COL23A1: variants seen among roughly 807,000 people sequenced by gnomAD.
COL23A1 encodes collagen type XXIII alpha 1 chain.
COL23A1 carries 97 observed loss-of-function variants against 99.3 expected under a neutral mutation model. The ratio of observed to expected loss-of-function variants is 0.98; its 90% confidence interval spans 0.83 to 1.16. The LOEUF is 1.16. Among genes scored for constraint, COL23A1 ranks in the 50% most tolerant of loss-of-function variants. The probability of loss-of-function intolerance (pLI) is 0.00; values close to 1 mark genes in which losing one functional copy is unlikely to be tolerated. For missense variants in COL23A1, 762 were observed against 757.4 expected, an observed-to-expected ratio of 1.01 and a Z score of -0.07; for synonymous variants, 320 against 308.2, an observed-to-expected ratio of 1.04 and a Z score of -0.40.
At chr5:178,477,538 T>A in intron 2 of COL23A1, among the ~76,000 whole-genome samples, 1 of 152,208 alleles carries the variant, frequency 6.6e-6, no homozygotes, top group South Asian at 2.1e-4. Flanking sequence ...TGTCTCCTTA[T>A]TAGGCGCCAG....
At position 178,255,117 on chromosome 5, in the gene COL23A1, A is replaced by C; in HGVS notation, c.883-91T>G. Reference sequence around the variant, plus strand: ...CTGTCCCTGCATCACATCCAGAGAGAAAGCAATGGAAGAGCCTCGTCACCC... The same window carrying C: ...CTGTCCCTGCATCACATCCAGAGAGCAAGCAATGGAAGAGCCTCGTCACCC... On this transcript the variant is annotated intron_variant, in intron 15 of 28. Transcript: ENST00000390654. The surrounding 1 kb of genome is among the most constrained non-coding windows in gnomAD (Gnocchi z 4.2). 9.2e-7 allele frequency: 1 copy of C among 1,083,042 alleles called. No individual in the cohort carries two copies. Among genetic ancestry groups the C allele is most frequent in the South Asian group, 1.3e-5 (1 of 78,052 alleles). 67.1% of individuals were successfully genotyped at this position (1,083,042 alleles called of 1,614,324 possible).
rs200782719 is a variant in COL23A1, at chr5:178,246,400, G to C, written c.1350C>G (p.Ser450Arg). Residue 450 changes from serine (S) to arginine (R), a missense_variant, in exon 23 of 29, where the codon AGC becomes AGG. Physicochemically the swap from Ser to Arg is moderately radical, Grantham distance 110 (BLOSUM62 -1). Transcript: ENST00000390654. ...CGCTTGTGAGACTCACAGGCAGGCCGCTGGGGCCTCTCTCACCCGACGCAC... is the reference window on the plus strand; with the variant it reads ...CGCTTGTGAGACTCACAGGCAGGCCCCTGGGGCCTCTCTCACCCGACGCAC... ...EKGASGERGP[S>R]GLPGPVGPPG... 2.5e-6 allele frequency: 4 copies of C among 1,579,400 alleles called. No homozygotes were observed. In the East Asian group the frequency reaches 9.2e-5, roughly 36 times the overall value.
Position 178,590,114 on chromosome 5 carries a change from C to T in COL23A1, c.84G>A (p.Ala28=). Residue 28 remains alanine, a synonymous_variant, in exon 1 of 29, where the codon GCG becomes GCA. Coordinates refer to ENST00000390654, the MANE Select transcript of COL23A1 (RefSeq NM_173465.4). The surrounding 1 kb of genome is among the most constrained non-coding windows in gnomAD (Gnocchi z 5.7). ...TCACCGCCCGGGACCCGGCCGTCGT[C>T]GCCGAGCGCCCTCCGCCGCCGCCGC... ...AAGGGGGGRS[A]TTAGSRAVSA... 1.6e-6 allele frequency: 2 copies of T among 1,249,138 alleles called. No homozygotes were observed. The highest frequency in any genetic ancestry group is 2.0e-6 in the Non-Finnish European group (2 of 998,820). 77.4% of individuals were successfully genotyped at this position (1,249,138 alleles called of 1,614,324 possible). A position where few individuals can be genotyped will look rare whatever the true frequency, so the allele number is the denominator to read the frequency against.
intron 2 of COL23A1, among the ~76,000 whole-genome samples, chr5:178,537,955 C>T (rs1040313227): frequency 6.6e-6 from 1 of 152,232 alleles, no homozygotes; most frequent in Non-Finnish European, 1.5e-5. Flanking sequence ...ACCCCAGGTA[C>T]CTCCTATGAG....
intron 2 of COL23A1, among the ~76,000 whole-genome samples, chr5:178,538,261 G>C (rs1467937827): frequency 1.3e-5 from 2 of 152,208 alleles, no homozygotes; most frequent in Non-Finnish European, 2.9e-5. Context: ...CACACTGGAA[G>C]AAACTTAACG....
intron 2 of COL23A1, among the ~76,000 whole-genome samples, chr5:178,406,428 C>CTTTTTTTTTTTTTTTTTTTTT (rs61274419): frequency 7.0e-6 from 1 of 142,038 alleles, no homozygotes; most frequent in Non-Finnish European, 1.5e-5. Context: ...TACCTACACT[C>CTTTTTTTTTTTTTTTTTTTTT]TTTTTTTTTT....
At chr5:178,438,905 A>G (rs900590444) in intron 2 of COL23A1, 1 of 152,142 alleles carries the variant, frequency 6.6e-6, no homozygotes, top group Non-Finnish European at 1.5e-5. Flanking sequence ...CTCCTAGTGC[A>G]CAGGCTTCCC....
rs767556741 is a variant in COL23A1, at chr5:178,242,152, T to C, written c.1495-24A>G. 15 of 1,541,866 alleles carry C rather than the reference T, an allele frequency of 9.7e-6. No homozygotes were observed. The South Asian group carries it at 1.8e-4, about 18-fold the overall frequency. On this transcript the variant is annotated intron_variant, in intron 26 of 28. Transcript: ENST00000390654. ...CCCTGTGCAGGAGGGGAGATGGTGG[T>C]ATTGGTCATGGCTGCCAGGCTTAGG...
At position 178,415,442 on chromosome 5, in the gene COL23A1, G is replaced by A. The variant is rs1031044692; in HGVS notation, c.362-108523C>T. Among the ~76,000 whole-genome samples the A allele has an allele frequency of 5.8e-4, 88 of 151,956 alleles. No individual in the cohort carries two copies. Among genetic ancestry groups the A allele is most frequent in the Admixed American group, 1.6e-3 (25 of 15,258 alleles). On this transcript the variant is annotated intron_variant, in intron 2 of 28. Coordinates refer to ENST00000390654, the MANE Select transcript of COL23A1 (RefSeq NM_173465.4). The surrounding 1 kb of genome is among the most constrained non-coding windows in gnomAD (Gnocchi z 4.6). The stretch of plus-strand genomic sequence containing the variant: ...CTGTGGCCTCTTTCTCCCCGGGCCC[G>A]GGCCCTGGAGCACGGCTCACCCTGC...
chr5:178,388,085 G>C (rs1013605663), intron 2 of COL23A1, among the ~76,000 whole-genome samples: 1 of 152,180 alleles, frequency 6.6e-6, no homozygotes, highest in African/African-American at 2.4e-5. Context: ...TCACCTGCCA[G>C]AGCCCTTCCG....
chr5:178,288,271 T>C, intron 5 of COL23A1, 53 bp downstream of exon 5: 4 of 1,404,236 alleles, frequency 2.8e-6, no homozygotes, highest in Non-Finnish European at 4.1e-6. Context: ...AGGGAAAGAA[T>C]ATTGGTTTAA....
At chr5:178,556,117 G>C (rs1039485026) in intron 2 of COL23A1, among the ~76,000 whole-genome samples, 2 of 152,146 alleles carry the variant, frequency 1.3e-5, no homozygotes, top group Non-Finnish European at 2.9e-5. Flanking sequence ...GGCGGGGACT[G>C]GCCAAGTGCA....
chr5:178,302,322 C>T (rs1341281452), intron 3 of COL23A1, among the ~76,000 whole-genome samples: 3 of 139,000 alleles, frequency 2.2e-5, no homozygotes, highest in African/African-American at 5.6e-5. Context: ...CCTCTGTGTG[C>T]GCCGGAGCAC....
rs572632014 is a variant in COL23A1 at position 178,424,712 on chromosome 5, A to T, written c.362-117793T>A. On this transcript the variant is annotated intron_variant, in intron 2 of 28. Coordinates refer to ENST00000390654, the MANE Select transcript of COL23A1 (RefSeq NM_173465.4). ...ACCTGAGCTGTCACAGTTATGGCTC[A>T]GGGTCTGACAGCACTAGCTGGGCCG... 9.8e-5 allele frequency among the ~76,000 whole-genome samples: 15 copies of T among 152,372 alleles called. No homozygotes were observed. In the East Asian group the frequency reaches 2.9e-3, roughly 29 times the overall value.
rs1440666172 is a variant in COL23A1, at chr5:178,313,350, T to G, written c.362-6431A>C. Among the ~76,000 whole-genome samples the G allele has an allele frequency of 6.6e-6, 1 of 152,136 alleles. No homozygotes were observed. The highest frequency in any genetic ancestry group is 6.5e-5 in the Admixed American group (1 of 15,280). On this transcript the variant is annotated intron_variant, in intron 2 of 28. Transcript: ENST00000390654. This position sits in a 1 kb window ranked among gnomAD's most constrained non-coding sequence, Gnocchi z 4.2. ...TTAAGGATGGTTAAGACGGGAAATGTTATGGTATGTGTATTTTATCACAAT... is the reference window on the plus strand; with the variant it reads ...TTAAGGATGGTTAAGACGGGAAATGGTATGGTATGTGTATTTTATCACAAT...
chr5:178,392,233 T>G (rs1404253033), intron 2 of COL23A1, among the ~76,000 whole-genome samples: 1 of 151,900 alleles, frequency 6.6e-6, no homozygotes, highest in African/African-American at 2.4e-5. Flanking sequence ...ATGGGTAAAC[T>G]GTATAGTGAG....
Position 178,261,704 on chromosome 5 carries a change from G to A in COL23A1, c.702+18C>T. 6.2e-7 allele frequency: 1 copy of A among 1,601,468 alleles called. No homozygotes were observed. The highest frequency in any genetic ancestry group is 8.6e-7 in the Non-Finnish European group (1 of 1,168,462). Reference sequence around the variant, plus strand: ...CCACCAGATCTGGGGAGGGGCATGGGGAATAAGGAGTACTCACCTTGGGCC... The same window carrying A: ...CCACCAGATCTGGGGAGGGGCATGGAGAATAAGGAGTACTCACCTTGGGCC... On this transcript the variant is annotated intron_variant, in intron 11 of 28. Coordinates refer to ENST00000390654, the MANE Select transcript of COL23A1 (RefSeq NM_173465.4).
chr5:178,376,485 T>C (rs1763078810), intron 2 of COL23A1, among the ~76,000 whole-genome samples: 2 of 152,232 alleles, frequency 1.3e-5, no homozygotes, highest in Non-Finnish European at 2.9e-5. Flanking sequence ...GGAGACCCCC[T>C]GCACTGCATT....
intron 2 of COL23A1, among the ~76,000 whole-genome samples, chr5:178,357,918 GTGTATGTGTGTA>G (rs1230276329): frequency 2.7e-5 from 4 of 148,116 alleles, no homozygotes; most frequent in Admixed American, 2.7e-4. Flanking sequence ...GTGTGTGTAT[GTGTATGTGTGTA>G]TGTGTATGTA....
Sources: allele counts gnomAD v4.1 joint callset (sites outside exome capture counted in the v4.1 genomes callset), GRCh38; gene constraint gnomAD v4.1.1; non-coding constraint Gnocchi (gnomAD v3.1); transcripts MANE v1.5; gene names NCBI Gene and HGNC (gene_info 2026-07-23, HGNC 2026-07-21).